FAM13A: variants seen among roughly 807,000 people sequenced by gnomAD.
The protein encoded by FAM13A is protein FAM13A.
Under a neutral mutation model 129.6 loss-of-function variants are expected in FAM13A, and 76 were observed. That is an observed-to-expected ratio of 0.59 (90% CI 0.49 to 0.71). FAM13A has a LOEUF of 0.71. Ranked by LOEUF, FAM13A falls within the 30% of genes least tolerant of loss-of-function variation. The pLI is 0.00. For synonymous variants in FAM13A, 443 were observed against 449.9 expected, an observed-to-expected ratio of 0.98 and a Z score of 0.20; for missense variants, 1,108 against 1,249.3, an observed-to-expected ratio of 0.89 and a Z score of 1.70.
rs114435452 is a variant in FAM13A at position 89,029,529 on chromosome 4, G to A, written c.148C>T (p.Arg50Trp). 1.7e-4 allele frequency: 274 copies of A among 1,592,030 alleles called. 1 individual carries two copies. In the African/African-American group the frequency reaches 2.4e-3, roughly 14 times the overall value. The stretch of plus-strand genomic sequence containing the variant: ...ATGCCATTCTCGGTGAGCCCCTGCC[G>A]TTCAAGTTCTTGGAGACTGACTCCA... ...LFGVSLQELERQGLTENGIPA... is the reference protein window; with the variant it reads ...LFGVSLQELEWQGLTENGIPA... Residue 50 changes from arginine to tryptophan, a missense_variant, in exon 2 of 24, where the codon CGG becomes TGG. Arg to Trp is a moderately radical substitution (Grantham distance 101). Coordinates refer to ENST00000264344, the MANE Select transcript of FAM13A (RefSeq NM_014883.4).
chr4:88,898,064 A>G (rs1746646895), intron 6 of FAM13A, among the ~76,000 whole-genome samples: 2 of 152,206 alleles, frequency 1.3e-5, no homozygotes, highest in South Asian at 4.1e-4. Context: ...ATAAGTATGC[A>G]TTAATTATGA....
chr4:89,001,428 C>T (rs932547471), intron 3 of FAM13A, among the ~76,000 whole-genome samples: 3 of 152,100 alleles, frequency 2.0e-5, no homozygotes, highest in Admixed American at 6.5e-5. Flanking sequence ...TTTGGCATTG[C>T]TTATAGAAAA....
chr4:88,943,503 A>T (rs1579403152), intron 4 of FAM13A, among the ~76,000 whole-genome samples: 1 of 152,244 alleles, frequency 6.6e-6, no homozygotes, highest in South Asian at 2.1e-4. Context: ...TATCATTATT[A>T]TAAAGGATTC....
chr4:88,797,273 G>GT (rs34600800), intron 8 of FAM13A, among the ~76,000 whole-genome samples: 45,226 of 142,986 alleles, frequency 0.32, 7,239 homozygotes, highest in East Asian at 0.37. Context: ...AGTTTTGTGG[G>GT]TTTTTTTTTT....
chr4:88,991,081 C>T lies in FAM13A; in HGVS notation c.497G>A (p.Cys166Tyr), dbSNP rs1167901697. The T allele has an allele frequency of 6.2e-7, 1 of 1,613,502 alleles. No homozygotes were observed. Among genetic ancestry groups the T allele is most frequent in the Non-Finnish European group, 8.5e-7 (1 of 1,179,598 alleles). ...LIKELPDTHY[C>Y]LLKYLCQFLT... is the part of the protein sequence containing the mutation. ...GAACTGGCAAAGGTACTTGAGGAGGCAGTAGTGGGTGTCTGGCAGCTCTTT... is the reference window on the plus strand; with the variant it reads ...GAACTGGCAAAGGTACTTGAGGAGGTAGTAGTGGGTGTCTGGCAGCTCTTT... Residue 166 changes from cysteine (C) to tyrosine (Y), a missense_variant, in exon 4 of 24, where the codon TGC (cysteine) becomes TAC (tyrosine). This residue lies in a region of FAM13A where 566 missense variants were observed against 595.7 expected (regional missense o/e 0.95). Transcript: ENST00000264344.
At chr4:89,032,532 G>A (rs1324565683) in intron 1 of FAM13A, among the ~76,000 whole-genome samples, 2 of 152,184 alleles carry the variant, frequency 1.3e-5, no homozygotes, top group East Asian at 1.9e-4. Context: ...CTAAAAAATT[G>A]TGGTTTCAGT....
In FAM13A at chr4:88,888,697, G is replaced by A. The variant is rs547990241; in HGVS notation, c.843+17682C>T. Among the ~76,000 whole-genome samples the A allele has an allele frequency of 5.3e-5, 8 of 151,906 alleles. No homozygotes were observed. The South Asian group carries it at 8.3e-4, about 16-fold the overall frequency. Reference sequence around the variant, plus strand: ...TCCCAGAATTTTGGGAGGCCGAGGCGGGCGGATCAACGGGTCAGGAGATCG... The same window carrying A: ...TCCCAGAATTTTGGGAGGCCGAGGCAGGCGGATCAACGGGTCAGGAGATCG... On this transcript the variant is annotated intron_variant, in intron 6 of 23. Transcript: ENST00000264344.
chr4:88,812,952 T>C (rs1729956684), intron 7 of FAM13A, among the ~76,000 whole-genome samples: 1 of 152,248 alleles, frequency 6.6e-6, no homozygotes, highest in Non-Finnish European at 1.5e-5. Context: ...TTGATTATTT[T>C]AAATTTTCTT....
At chr4:88,947,701 C>A (rs1310071142) in intron 4 of FAM13A, among the ~76,000 whole-genome samples, 1 of 151,692 alleles carries the variant, frequency 6.6e-6, no homozygotes, top group Admixed American at 6.6e-5. Context: ...ATGAAGCCAA[C>A]TTCCTCTGCT....
chr4:89,008,242 G>A (rs1765310481), intron 3 of FAM13A, among the ~76,000 whole-genome samples: 1 of 152,094 alleles, frequency 6.6e-6, no homozygotes, highest in African/African-American at 2.4e-5. Flanking sequence ...TGACGCCCTA[G>A]CCCCCAATGT....
At chr4:89,006,746 C>A (rs368698766) in intron 3 of FAM13A, among the ~76,000 whole-genome samples, 1 of 152,060 alleles carries the variant, frequency 6.6e-6, no homozygotes, top group Non-Finnish European at 1.5e-5. Context: ...ATGGTGAATG[C>A]GGATTTTTTA....
chr4:88,849,213 T>C (rs541802342), intron 7 of FAM13A, among the ~76,000 whole-genome samples: 1 of 152,330 alleles, frequency 6.6e-6, no homozygotes, highest in East Asian at 1.9e-4. Flanking sequence ...GAGATTTACA[T>C]CTTTCTAGTA....
At chr4:89,014,192 C>T (rs1371753028) in intron 3 of FAM13A, among the ~76,000 whole-genome samples, 2 of 152,076 alleles carry the variant, frequency 1.3e-5, no homozygotes, top group Non-Finnish European at 2.9e-5. Flanking sequence ...TGACAATAAA[C>T]GATGCAGTAG....
intron 5 of FAM13A, among the ~76,000 whole-genome samples, chr4:88,935,583 T>C (rs1579360484): frequency 6.6e-6 from 1 of 152,210 alleles, no homozygotes; most frequent in African/African-American, 2.4e-5. Flanking sequence ...TTTTCTTTAA[T>C]TACCTTCTCA....
In FAM13A at chr4:88,750,621, G is replaced by T. The variant is rs1323538832; in HGVS notation, c.1743C>A (p.Phe581Leu). The change falls in exon 15 of 24, where the codon TTC becomes TTA. Residue 581 changes from phenylalanine (F) to leucine (L), a missense_variant. Coordinates refer to ENST00000264344, the MANE Select transcript of FAM13A (RefSeq NM_014883.4). ...EKNWEEPIPA[F>L]SSWQRENSDS... ...CACTGTTCTCCCGCTGCCAGGAGGA[G>T]AAAGCAGGGATAGGCTCTGGAAGAT... 1.9e-6 allele frequency: 3 copies of T among 1,612,680 alleles called. No individual in the cohort carries two copies. In the African/African-American group the frequency reaches 4.0e-5, roughly 22 times the overall value.
intron 3 of FAM13A, among the ~76,000 whole-genome samples, chr4:89,009,702 C>T (rs1259140702): frequency 6.6e-6 from 1 of 152,104 alleles, no homozygotes; most frequent in Non-Finnish European, 1.5e-5. Context: ...ATATAAATAA[C>T]GTTAAACATT....
chr4:88,921,459 T>C (rs1411667092), intron 5 of FAM13A, among the ~76,000 whole-genome samples: 2 of 152,122 alleles, frequency 1.3e-5, no homozygotes, highest in Admixed American at 6.5e-5. Flanking sequence ...CTAATCTTCA[T>C]AAGTGAAGGA....
intron 17 of FAM13A, 144 bp downstream of exon 17, chr4:88,748,808 T>C: frequency 2.8e-6 from 2 of 706,214 alleles, no homozygotes; most frequent in Non-Finnish European, 5.1e-6. Context: ...CCTGGGGAAG[T>C]GGTCACTCTG....
chr4:88,755,338 C>T, intron 14 of FAM13A, among the ~76,000 whole-genome samples: 1 of 152,218 alleles, frequency 6.6e-6, no homozygotes, highest in East Asian at 1.9e-4. Context: ...TGAGCCCATA[C>T]TGTGCTGTGC....
Sources: gnomAD v4.1 joint callset for allele counts (sites outside exome capture counted in the v4.1 genomes callset) on GRCh38, gnomAD v4.1.1 for gene constraint, gnomAD v4.1.1 regional missense constraint, MANE v1.5 for transcripts, NCBI Gene and HGNC (gene_info 2026-07-23, HGNC 2026-07-21) for gene names.